The following AGBL1 variants were observed in gnomAD, a reference collection of about 807,000 sequenced individuals.
AGBL1 encodes the protein cytosolic carboxypeptidase 4.
AGBL1 carries 130 observed loss-of-function variants against 118.9 expected under a neutral mutation model. That is an observed-to-expected ratio of 1.09 (90% CI 0.95 to 1.26). The LOEUF is 1.26. Among genes scored for constraint, AGBL1 ranks in the 50% most tolerant of loss-of-function variants. The pLI is 0.00. For synonymous variants in AGBL1, 555 were observed against 478.9 expected, an observed-to-expected ratio of 1.16 and a Z score of -2.08; for missense variants, 1,584 against 1,298.1, an observed-to-expected ratio of 1.22 and a Z score of -3.38.
At position 86,914,698 on chromosome 15, in the gene AGBL1, A is replaced by G. The variant is rs1227058712; in HGVS notation, c.*7404A>G. ...TTAAGAATTTAAGGGCTAGCCTAAG[A>G]TGATACAGGTAGTAAGTAGCAGATC... On this transcript the variant is annotated 3_prime_UTR_variant, in exon 23 of 23. Transcript: ENST00000614907. The G allele has an allele frequency of 6.6e-6, 1 of 152,186 alleles. No homozygotes were observed. The highest frequency in any genetic ancestry group is 1.5e-5 in the Non-Finnish European group (1 of 68,036). 9.4% of individuals were successfully genotyped at this position (152,186 alleles called of 1,614,324 possible). A position where few individuals can be genotyped will look rare whatever the true frequency, so the allele number is the denominator to read the frequency against.
chr15:86,863,628 G>T (rs1260707741), intron 22 of AGBL1, among the ~76,000 whole-genome samples: 1 of 152,172 alleles, frequency 6.6e-6, no homozygotes, highest in Non-Finnish European at 1.5e-5. Flanking sequence ...GTCTGGGTAG[G>T]TATTGGGAAG....
chr15:86,581,516 A>G (rs1421545534), intron 21 of AGBL1, among the ~76,000 whole-genome samples: 1 of 152,170 alleles, frequency 6.6e-6, no homozygotes, highest in Non-Finnish European at 1.5e-5. Flanking sequence ...TGCAAAAACC[A>G]TTATGTTGAC....
intron 23 of AGBL1, among the ~76,000 whole-genome samples, chr15:86,924,332 G>T (rs1475586576): frequency 6.6e-6 from 1 of 152,252 alleles, no homozygotes; most frequent in Non-Finnish European, 1.5e-5. Flanking sequence ...ATTTAGGGTA[G>T]AAAGGTGTGT....
intron 22 of AGBL1, among the ~76,000 whole-genome samples, chr15:86,807,237 C>T (rs1022752243): frequency 1.3e-5 from 2 of 152,144 alleles, no homozygotes; most frequent in African/African-American, 2.4e-5. Flanking sequence ...TGCAAATAGA[C>T]AGCCAGGGTC....
At chr15:86,178,555 T>TA (rs768191598) in intron 5 of AGBL1, among the ~76,000 whole-genome samples, 44 of 152,306 alleles carry the variant, frequency 2.9e-4, no homozygotes, top group Non-Finnish European at 5.4e-4. Flanking sequence ...ATAACCTATA[T>TA]AGCCCTATAT....
chr15:86,187,113 C>T (rs1427373717), intron 5 of AGBL1, among the ~76,000 whole-genome samples: 1 of 152,206 alleles, frequency 6.6e-6, no homozygotes, highest in Non-Finnish European at 1.5e-5. Context: ...TGCAAACGCA[C>T]ACATTGGAAT....
chr15:86,802,132 C>A lies in AGBL1; in HGVS notation c.3159-104955C>A, dbSNP rs567056131. ...AGGGAGACTAAGTTTATGAGTCTCA[C>A]TGAATGATTCCATATACAGAAACAG... On this transcript the variant is annotated intron_variant, in intron 22 of 22. Transcript: ENST00000614907. Among the ~76,000 whole-genome samples the A allele has an allele frequency of 2.0e-5, 3 of 152,224 alleles. No individual in the cohort carries two copies. In the East Asian group the frequency reaches 5.8e-4, roughly 29 times the overall value.
At chr15:86,263,719 A>G (rs1459268381) in intron 10 of AGBL1, among the ~76,000 whole-genome samples, 1 of 152,180 alleles carries the variant, frequency 6.6e-6, no homozygotes, top group Admixed American at 6.5e-5. Flanking sequence ...TGTTGCTGCC[A>G]TCGATATTTT....
At chr15:86,716,921 GA>G (rs1276147231) in intron 22 of AGBL1, among the ~76,000 whole-genome samples, 4 of 152,214 alleles carry the variant, frequency 2.6e-5, no homozygotes, top group Non-Finnish European at 5.9e-5. Context: ...TGATTTGGGA[GA>G]AGTTGTTTTA....
chr15:86,804,252 G>T (rs572104991), intron 22 of AGBL1, among the ~76,000 whole-genome samples: 11 of 152,156 alleles, frequency 7.2e-5, no homozygotes, highest in Non-Finnish European at 1.5e-4. Context: ...TCTGTTAAGT[G>T]CATGTTCTCT....
chr15:86,869,770 C>G (rs2079692783), intron 22 of AGBL1, among the ~76,000 whole-genome samples: 1 of 152,194 alleles, frequency 6.6e-6, no homozygotes. Flanking sequence ...AAGCCCTTGG[C>G]TAAGTACTTC....
intron 18 of AGBL1, among the ~76,000 whole-genome samples, chr15:86,401,914 T>C (rs143646418): frequency 0.012 from 1,798 of 152,268 alleles, 36 homozygotes; most frequent in African/African-American, 0.039. Context: ...TTGCTTAGTA[T>C]TGCTTTGGTT....
intron 1 of AGBL1, among the ~76,000 whole-genome samples, chr15:86,109,127 T>G (rs931719240): frequency 6.6e-6 from 1 of 152,216 alleles, no homozygotes; most frequent in African/African-American, 2.4e-5. Flanking sequence ...CTACTACAAC[T>G]CCTTGGTATA....
chr15:86,780,515 G>T (rs1194696302), intron 22 of AGBL1, among the ~76,000 whole-genome samples: 1 of 152,002 alleles, frequency 6.6e-6, no homozygotes, highest in Non-Finnish European at 1.5e-5. Context: ...AGTACATTCT[G>T]GATCTTTATT....
At chr15:86,139,779 A>ATTT (rs1320956785) in intron 1 of AGBL1, 4 of 152,384 alleles carry the variant, frequency 2.6e-5, no homozygotes, top group Admixed American at 6.6e-5. Flanking sequence ...TTTTTTTTTA[A>ATTT]AAACCAGGGC....
At chr15:87,026,503 T>C (rs12101301) in intron 24 of AGBL1, among the ~76,000 whole-genome samples, 6,184 of 152,040 alleles carry the variant, frequency 0.041, 408 homozygotes, top group African/African-American at 0.14. Context: ...ATAGTAGACG[T>C]TGGCATGGAT....
intron 18 of AGBL1, among the ~76,000 whole-genome samples, chr15:86,422,224 G>T (rs967930640): frequency 6.6e-6 from 1 of 152,152 alleles, no homozygotes; most frequent in Admixed American, 6.6e-5. Flanking sequence ...AAACGCAAAA[G>T]AATGGAAATC....
At chr15:86,165,989 C>A (rs1322953490) in intron 5 of AGBL1, among the ~76,000 whole-genome samples, 1 of 152,056 alleles carries the variant, frequency 6.6e-6, no homozygotes, top group African/African-American at 2.4e-5. Context: ...TCTTAAGAAG[C>A]CACTGAGCTC....
chr15:86,159,347 C>T (rs1353540187), intron 5 of AGBL1, among the ~76,000 whole-genome samples: 1 of 152,272 alleles, frequency 6.6e-6, no homozygotes, highest in Middle Eastern at 3.4e-3. Context: ...ATCTTTCAGA[C>T]TCGAAACCTC....
Sources: allele counts gnomAD v4.1 joint callset (sites outside exome capture counted in the v4.1 genomes callset), GRCh38; gene constraint gnomAD v4.1.1; transcripts MANE v1.5; gene names NCBI Gene and HGNC (gene_info 2026-07-23, HGNC 2026-07-21).